Variants in SYT1 observed in about 807,000 individuals in gnomAD.
SYT1 encodes the protein synaptotagmin 1.
Under a neutral mutation model 44.8 loss-of-function variants are expected in SYT1, and 8 were observed. The observed-to-expected ratio is 0.18, with a 90% CI of 0.10 to 0.32. The LOEUF (loss-of-function observed/expected upper bound fraction) is 0.32. Ranked by LOEUF, SYT1 falls within the 10% of genes least tolerant of loss-of-function variation. The probability of loss-of-function intolerance (pLI) is 1.00; values close to 1 mark genes in which losing one functional copy is unlikely to be tolerated. For missense variants in SYT1, 286 were observed against 509.3 expected, an observed-to-expected ratio of 0.56 and a Z score of 4.22; for synonymous variants, 154 against 188.8, an observed-to-expected ratio of 0.82 and a Z score of 1.51.
intron 1 of SYT1, among the ~76,000 whole-genome samples, chr12:78,872,595 T>C (rs577423787): frequency 7.9e-4 from 120 of 151,938 alleles, no homozygotes; most frequent in African/African-American, 2.7e-3. Context: ...ATGTCTTCTC[T>C]TCCTACTCTG....
At chr12:79,149,681 G>A in intron 3 of SYT1, among the ~76,000 whole-genome samples, 1 of 152,082 alleles carries the variant, frequency 6.6e-6, no homozygotes, top group East Asian at 1.9e-4. Context: ...CTGTAAGGGA[G>A]GTGCTTAAAC....
intron 3 of SYT1, among the ~76,000 whole-genome samples, chr12:79,090,525 T>C (rs1724955581): frequency 2.0e-5 from 3 of 151,992 alleles, no homozygotes; most frequent in African/African-American, 7.2e-5. Context: ...TAAGCAGTGC[T>C]GGGGTTCATG....
chr12:79,215,623 G>A lies in SYT1; in HGVS notation c.-17-1880G>A, dbSNP rs577859304. ...AACCAGTAGGATCATGCGAGCCCAG[G>A]AGCTCAAGGCTGCAATGAGCTATGA... is the stretch of plus-strand genomic sequence containing the variant. On this transcript the variant is annotated intron_variant, in intron 3 of 10. Transcript: ENST00000261205. Among the ~76,000 whole-genome samples the A allele has an allele frequency of 3.3e-5, 5 of 152,078 alleles. No homozygotes were observed. In the South Asian group the frequency reaches 1.0e-3, roughly 32 times the overall value.
At chr12:79,302,919 A>G (rs1034580054) in intron 8 of SYT1, among the ~76,000 whole-genome samples, 1 of 152,134 alleles carries the variant, frequency 6.6e-6, no homozygotes, top group Admixed American at 6.5e-5. Context: ...TATATATAAA[A>G]CTGTTGTTTC....
intron 3 of SYT1, among the ~76,000 whole-genome samples, chr12:79,189,722 G>A (rs1873002834): frequency 6.6e-6 from 1 of 152,076 alleles, no homozygotes. Context: ...TGGCTAACAT[G>A]ACAAAACCTC....
At chr12:79,368,800 C>T (rs535060135) in intron 9 of SYT1, among the ~76,000 whole-genome samples, 2 of 151,990 alleles carry the variant, frequency 1.3e-5, no homozygotes, top group African/African-American at 4.8e-5. Context: ...GGATATTAGC[C>T]CTTTGTCAGA....
intron 1 of SYT1, among the ~76,000 whole-genome samples, chr12:78,942,248 T>A (rs1402530716): frequency 6.6e-6 from 1 of 152,252 alleles, no homozygotes; most frequent in African/African-American, 2.4e-5. Flanking sequence ...AACACATTAC[T>A]GCAGACAATG....
At chr12:78,977,686 G>A (rs1438291968) in intron 1 of SYT1, 113 bp from the exon 2 acceptor site, 1 of 152,192 alleles carries the variant, frequency 6.6e-6, no homozygotes, top group Non-Finnish European at 1.5e-5. Context: ...ATAACGAATG[G>A]GCTGCATAAG....
chr12:79,372,211 C>T (rs1313602463), intron 9 of SYT1, among the ~76,000 whole-genome samples: 2 of 152,130 alleles, frequency 1.3e-5, no homozygotes, highest in East Asian at 1.9e-4. Flanking sequence ...CATCTAGCAT[C>T]GCCTAGCACA....
In SYT1 at chr12:79,224,303, A is replaced by G. The variant is rs144702230; in HGVS notation, c.166+6618A>G. Among the ~76,000 whole-genome samples, 619 of 152,348 alleles carry G rather than the reference A, an allele frequency of 4.1e-3. 3 individuals are homozygous for G. Among genetic ancestry groups the G allele is most frequent in the African/African-American group, 0.014 (583 of 41,584 alleles). ...ACTCACAGAGCTTATATTCTAGTGA[A>G]GAAAAGAAGTTAGAAATTAATAAAG... On this transcript the variant is annotated intron_variant, in intron 4 of 10. Coordinates refer to ENST00000261205, the MANE Select transcript of SYT1 (RefSeq NM_005639.3).
At chr12:79,294,340 A>T (rs1193307932) in intron 6 of SYT1, among the ~76,000 whole-genome samples, 2 of 152,114 alleles carry the variant, frequency 1.3e-5, no homozygotes, top group Non-Finnish European at 2.9e-5. Context: ...AATATTACAC[A>T]TTGGTTTTTC....
intron 9 of SYT1, chr12:79,393,479 T>C (rs561980256): frequency 1.3e-5 from 2 of 152,350 alleles, no homozygotes; most frequent in African/African-American, 2.4e-5. Flanking sequence ...GTTTCCTGAC[T>C]TCTTAATGAT....
intron 3 of SYT1, among the ~76,000 whole-genome samples, chr12:79,203,086 G>GA (rs11421664): frequency 0.68 from 100,824 of 149,288 alleles, 34,302 homozygotes; most frequent in African/African-American, 0.73. Context: ...TAAGCCTATG[G>GA]AAAAAAAAAT....
intron 1 of SYT1, among the ~76,000 whole-genome samples, chr12:78,872,255 G>A (rs1565695362): frequency 6.6e-6 from 1 of 151,308 alleles, no homozygotes; most frequent in Non-Finnish European, 1.5e-5. Flanking sequence ...CCAACGACTT[G>A]TTTTTTTTCT....
At chr12:79,375,270 C>A (rs1390221083) in intron 9 of SYT1, among the ~76,000 whole-genome samples, 1 of 152,058 alleles carries the variant, frequency 6.6e-6, no homozygotes, top group South Asian at 2.1e-4. Context: ...CTGGAGATTT[C>A]GTGGGCGCTT....
intron 9 of SYT1, among the ~76,000 whole-genome samples, chr12:79,412,369 C>G (rs1214037672): frequency 6.6e-6 from 1 of 152,126 alleles, no homozygotes; most frequent in African/African-American, 2.4e-5. Flanking sequence ...ACCATCTTGC[C>G]TCTTAGTTTG....
At chr12:78,965,367 G>A (rs1255316394) in intron 1 of SYT1, among the ~76,000 whole-genome samples, 1 of 152,132 alleles carries the variant, frequency 6.6e-6, no homozygotes, top group Non-Finnish European at 1.5e-5. Flanking sequence ...AGCAAGTGAT[G>A]CACAACCTCT....
chr12:79,234,516 G>A lies in SYT1; in HGVS notation c.166+16831G>A, dbSNP rs576703589. ...ATTTCACTAAAATGGAACCATGCACGTATTCTGTGTCTGATTTCTTTCACT... is the reference window on the plus strand; with the variant it reads ...ATTTCACTAAAATGGAACCATGCACATATTCTGTGTCTGATTTCTTTCACT... On this transcript the variant is annotated intron_variant, in intron 4 of 10. Coordinates refer to ENST00000261205, the MANE Select transcript of SYT1 (RefSeq NM_005639.3). Among the ~76,000 whole-genome samples the A allele has an allele frequency of 1.7e-4, 26 of 152,230 alleles. No homozygotes were observed. The South Asian group carries it at 2.5e-3, about 15-fold the overall frequency.
intron 1 of SYT1, among the ~76,000 whole-genome samples, chr12:78,904,581 A>G (rs1875853857): frequency 6.6e-6 from 1 of 152,158 alleles, no homozygotes; most frequent in Admixed American, 6.6e-5. Context: ...CAGAAAAACT[A>G]TCTTTATATG....
Sources: gnomAD v4.1 joint callset for allele counts (sites outside exome capture counted in the v4.1 genomes callset) on GRCh38, gnomAD v4.1.1 for gene constraint, MANE v1.5 for transcripts, NCBI Gene and HGNC (gene_info 2026-07-23, HGNC 2026-07-21) for gene names.